The following KCND3 variants were observed in gnomAD, a reference collection of about 807,000 sequenced individuals.
The protein encoded by KCND3 is potassium voltage-gated channel subfamily D member 3.
Under a neutral mutation model 51.1 loss-of-function variants are expected in KCND3, and 9 were observed. That is an observed-to-expected ratio of 0.18 (90% CI 0.11 to 0.31). The LOEUF (loss-of-function observed/expected upper bound fraction) is 0.31, where lower values mean the gene tolerates loss of function less well. Among genes scored for constraint, KCND3 ranks in the 10% least tolerant of loss-of-function variants. The probability of loss-of-function intolerance (pLI) is 1.00; values close to 1 mark genes in which losing one functional copy is unlikely to be tolerated. For synonymous variants in KCND3, 349 were observed against 368.0 expected (o/e 0.95, Z 0.59); for missense variants, 526 against 903.8 (o/e 0.58, Z 5.36).
intron 2 of KCND3, among the ~76,000 whole-genome samples, chr1:111,934,562 G>A (rs559349589): frequency 7.2e-5 from 11 of 152,304 alleles, no homozygotes; most frequent in South Asian, 2.1e-4. Flanking sequence ...CGCCAGACTC[G>A]TGTATGTTCT....
Position 111,835,671 on chromosome 1 carries a change from G to A in KCND3, c.1107-48565C>T, listed in dbSNP as rs891885383. Among the ~76,000 whole-genome samples, 5 of 152,160 alleles carry A rather than the reference G, an allele frequency of 3.3e-5. 1 individual carries two copies. Among genetic ancestry groups the A allele is most frequent in the African/African-American group, 7.2e-5 (3 of 41,420 alleles). On this transcript the variant is annotated intron_variant, in intron 2 of 7. Coordinates refer to ENST00000302127, the MANE Select transcript of KCND3 (RefSeq NM_001378969.1). ...GTTAAGAAATGCCATGGCAACATCC[G>A]GAAGTTACCTTATATAGTCTAAGAA...
intron 2 of KCND3, among the ~76,000 whole-genome samples, chr1:111,885,011 C>T (rs1016544120): frequency 2.0e-5 from 3 of 152,136 alleles, no homozygotes; most frequent in African/African-American, 7.2e-5. Flanking sequence ...AATGTGACAA[C>T]CAAAAATGTC....
chr1:111,881,350 T>C (rs1157865781), intron 2 of KCND3, among the ~76,000 whole-genome samples: 1 of 152,232 alleles, frequency 6.6e-6, no homozygotes, highest in Non-Finnish European at 1.5e-5. Flanking sequence ...CCTTTTGTGC[T>C]TTCAGATGCA....
At chr1:111,870,209 G>C (rs533765692) in intron 2 of KCND3, among the ~76,000 whole-genome samples, 9 of 152,214 alleles carry the variant, frequency 5.9e-5, no homozygotes, top group Admixed American at 2.6e-4. Context: ...CCCAGCAAAT[G>C]ATGGTGCCAG....
At chr1:111,892,696 G>A (rs4838924) in intron 2 of KCND3, among the ~76,000 whole-genome samples, 23,778 of 152,198 alleles carry the variant, frequency 0.16, 2,330 homozygotes, top group East Asian at 0.32. Flanking sequence ...TGATCGGATG[G>A]AGTGGGGCTC....
intron 2 of KCND3, among the ~76,000 whole-genome samples, chr1:111,908,455 C>G (rs1477154021): frequency 2.0e-5 from 3 of 152,182 alleles, no homozygotes; most frequent in Non-Finnish European, 4.4e-5. Flanking sequence ...CACTTGTAAG[C>G]TAGTAGGTGG....
At chr1:111,839,136 T>C (rs1405001196) in intron 2 of KCND3, among the ~76,000 whole-genome samples, 1 of 152,246 alleles carries the variant, frequency 6.6e-6, no homozygotes, top group East Asian at 1.9e-4. Context: ...ACGAGAATCT[T>C]GCTTTTTGAA....
In KCND3 at chr1:111,773,970, G is replaced by A. The variant is rs1664013864; in HGVS notation, c.*2107C>T. On this transcript the variant is annotated 3_prime_UTR_variant, in exon 8 of 8. Transcript: ENST00000302127. ...GTGTATACACATGTACTCTGTAGTT[G>A]TAAAGCTTTTCTGCCTTCTTAGTCT... is the stretch of plus-strand genomic sequence containing the variant. The A allele has an allele frequency of 6.6e-6, 1 of 152,180 alleles. No individual in the cohort carries two copies. Among genetic ancestry groups the A allele is most frequent in the Non-Finnish European group, 1.5e-5 (1 of 68,046 alleles). The allele number at this position is 152,180 out of a possible 1,614,324, so 9.4% of individuals were successfully genotyped here.
In KCND3 at chr1:111,982,246, G is replaced by A. The variant is rs1325184969; in HGVS notation, c.481C>T (p.Pro161Ser). 1.2e-6 allele frequency: 2 copies of A among 1,614,102 alleles called. No individual in the cohort carries two copies. The highest frequency in any genetic ancestry group is 1.3e-5 in the African/African-American group (1 of 75,012). ...ATGGTCTGGCGGAAGCTGAGCGAGG[G>A]CATGGACTCCTGGTTGTTCTCCGAG... ...NDSENNQESMPSLSFRQTMWR... is the reference protein window; with the variant it reads ...NDSENNQESMSSLSFRQTMWR... Residue 161 changes from proline (P) to serine (S), a missense_variant, in exon 2 of 8, where the codon CCC becomes TCC. Transcript: ENST00000302127. This position sits in a 1 kb window ranked among gnomAD's most constrained non-coding sequence, Gnocchi z 8.5.
chr1:111,900,153 C>T (rs1670319112), intron 2 of KCND3, among the ~76,000 whole-genome samples: 2 of 152,130 alleles, frequency 1.3e-5, no homozygotes, highest in Non-Finnish European at 2.9e-5. Flanking sequence ...GGGCACCTCA[C>T]CCTTGCCTTC....
At chr1:111,856,654 G>T (rs1475977109) in intron 2 of KCND3, among the ~76,000 whole-genome samples, 1 of 152,266 alleles carries the variant, frequency 6.6e-6, no homozygotes, top group African/African-American at 2.4e-5. Context: ...CCTGCCAAAG[G>T]TGACTGCTGG....
chr1:111,800,627 C>G (rs1418595020), intron 2 of KCND3, among the ~76,000 whole-genome samples: 2 of 151,658 alleles, frequency 1.3e-5, no homozygotes, highest in Non-Finnish European at 2.9e-5. Flanking sequence ...GTCAGTTGTT[C>G]CCTGCCCTAT....
intron 1 of KCND3, among the ~76,000 whole-genome samples, chr1:111,988,418 C>T (rs1355552348): frequency 6.6e-6 from 1 of 152,140 alleles, no homozygotes; most frequent in East Asian, 1.9e-4. Flanking sequence ...CTACTAACCT[C>T]TTTCTCTGGG....
chr1:111,842,275 C>T (rs184960230), intron 2 of KCND3, among the ~76,000 whole-genome samples: 163 of 152,314 alleles, frequency 1.1e-3, no homozygotes, highest in Non-Finnish European at 1.7e-3. Flanking sequence ...GTCCAGGCCC[C>T]CCAACCCACC....
At position 111,780,390 on chromosome 1, in the gene KCND3, A is replaced by G. The variant is rs1033358009; in HGVS notation, c.1372-76T>C. On this transcript the variant is annotated intron_variant, in intron 4 of 7. Coordinates refer to ENST00000302127, the MANE Select transcript of KCND3 (RefSeq NM_001378969.1). The surrounding 1 kb of genome is among the most constrained non-coding windows in gnomAD (Gnocchi z 4.2). ...CTCCAGCTCCTTCATTTCTCCACTAAAGGTCAAAGGGCAATAGAATAATCA... is the reference window on the plus strand; with the variant it reads ...CTCCAGCTCCTTCATTTCTCCACTAGAGGTCAAAGGGCAATAGAATAATCA... The G allele has an allele frequency of 1.7e-5, 22 of 1,330,008 alleles. No homozygotes were observed. Among genetic ancestry groups the G allele is most frequent in the Non-Finnish European group, 2.2e-5 (21 of 945,166 alleles). 82.4% of individuals were successfully genotyped at this position (1,330,008 alleles called of 1,614,324 possible).
chr1:111,971,662 T>C (rs1016312333), intron 2 of KCND3, among the ~76,000 whole-genome samples: 2 of 152,156 alleles, frequency 1.3e-5, no homozygotes, highest in Admixed American at 6.6e-5. Flanking sequence ...TTTCCACCTG[T>C]CTGCCAAACA....
At chr1:111,845,903 A>C (rs934344784) in intron 2 of KCND3, among the ~76,000 whole-genome samples, 12 of 145,762 alleles carry the variant, frequency 8.2e-5, no homozygotes, top group African/African-American at 3.2e-4. Context: ...TGCCTTCAAC[A>C]TTGCTGTCCC....
intron 2 of KCND3, among the ~76,000 whole-genome samples, chr1:111,796,411 A>G (rs1273587350): frequency 6.6e-6 from 1 of 152,124 alleles, no homozygotes; most frequent in African/African-American, 2.4e-5. Context: ...CAAAAAAAAA[A>G]TGTGGCACAT....
intron 2 of KCND3, among the ~76,000 whole-genome samples, chr1:111,825,612 C>T (rs1666538670): frequency 6.6e-6 from 1 of 152,210 alleles, no homozygotes; most frequent in African/African-American, 2.4e-5. Flanking sequence ...GAAATCTGAT[C>T]ACCAAGCAAA....
Sources: allele counts gnomAD v4.1 joint callset (sites outside exome capture counted in the v4.1 genomes callset), GRCh38; gene constraint gnomAD v4.1.1; non-coding constraint Gnocchi (gnomAD v3.1); transcripts MANE v1.5; gene names NCBI Gene and HGNC (gene_info 2026-07-23, HGNC 2026-07-21).